Variants in LPA observed in about 807,000 individuals in gnomAD.
The protein encoded by LPA is apolipoprotein(a).
LPA carries 199 observed loss-of-function variants against 197.9 expected under a neutral mutation model. The ratio of observed to expected loss-of-function variants is 1.01; its 90% confidence interval spans 0.90 to 1.13. The LOEUF (loss-of-function observed/expected upper bound fraction) is 1.13. LPA is among the 50% of genes most tolerant of loss of function. The probability of loss-of-function intolerance (pLI) is 0.00; values close to 1 mark genes in which losing one functional copy is unlikely to be tolerated. For synonymous variants in LPA, 715 were observed against 639.5 expected, an observed-to-expected ratio of 1.12 and a Z score of -1.78; for missense variants, 1,853 against 1,785.8, an observed-to-expected ratio of 1.04 and a Z score of -0.68.
chr6:160,565,204 G>A (rs1778429931), intron 28 of LPA, among the ~76,000 whole-genome samples: 1 of 152,204 alleles, frequency 6.6e-6, no homozygotes, highest in Non-Finnish European at 1.5e-5. Context: ...TTTGAGATCT[G>A]AGAATGGACA....
chr6:160,542,588 G>C (rs1180641227), intron 34 of LPA, 100 bp downstream of exon 34: 6 of 1,553,094 alleles, frequency 3.9e-6, no homozygotes, highest in Admixed American at 1.7e-5. Flanking sequence ...AGAGAGGCAG[G>C]TATTGATGCA....
chr6:160,593,376 G>C (rs1307268621), intron 22 of LPA, among the ~76,000 whole-genome samples: 1 of 152,088 alleles, frequency 6.6e-6, no homozygotes, highest in Non-Finnish European at 1.5e-5. Flanking sequence ...CTGGGTTTCT[G>C]TCCATCTTCC....
Position 160,599,474 on chromosome 6 carries a change from G to C in LPA, c.3287+26C>G, listed in dbSNP as rs373033020. On this transcript the variant is annotated intron_variant, in intron 20 of 38. Coordinates refer to ENST00000316300, the MANE Select transcript of LPA (RefSeq NM_005577.4). ...AGAAACTTCCATTGGCCCTTCCTTC[G>C]CTTATGGTAAAGAACAAAGACGTAC... is the stretch of plus-strand genomic sequence containing the variant. 1.4e-5 allele frequency: 23 copies of C among 1,612,224 alleles called. No homozygotes were observed. The African/African-American group carries it at 2.9e-4, about 21-fold the overall frequency.
chr6:160,580,811 C>T (rs1406669839), intron 26 of LPA, among the ~76,000 whole-genome samples: 1 of 152,154 alleles, frequency 6.6e-6, no homozygotes, highest in African/African-American at 2.4e-5. Context: ...GGATACAGGC[C>T]ATTTGTCAGA....
At chr6:160,555,551 A>G (rs1778248713) in intron 30 of LPA, among the ~76,000 whole-genome samples, 2 of 149,502 alleles carry the variant, frequency 1.3e-5, no homozygotes, top group South Asian at 2.1e-4. Flanking sequence ...ATATGAACAT[A>G]TATATGTATA....
At chr6:160,545,893 A>G (rs1208426384) in intron 32 of LPA, among the ~76,000 whole-genome samples, 1 of 152,102 alleles carries the variant, frequency 6.6e-6, no homozygotes, top group Non-Finnish European at 1.5e-5. Context: ...GGGGTCTTCT[A>G]CCTGATAAAG....
intron 28 of LPA, among the ~76,000 whole-genome samples, chr6:160,564,669 C>A (rs1222342463): frequency 2.0e-5 from 3 of 152,200 alleles, no homozygotes; most frequent in Non-Finnish European, 4.4e-5. Flanking sequence ...GGGTGCAGCC[C>A]ACGGAGAGTG....
intron 2 of LPA, among the ~76,000 whole-genome samples, chr6:160,646,798 A>C (rs1779888805): frequency 6.8e-6 from 1 of 147,716 alleles, no homozygotes; most frequent in Admixed American, 6.7e-5. Flanking sequence ...GTATCTGTCT[A>C]GTCTCCGTAT....
intron 10 of LPA, among the ~76,000 whole-genome samples, chr6:160,626,806 T>C (rs1779664678): frequency 9.3e-6 from 1 of 107,100 alleles, no homozygotes; most frequent in Non-Finnish European, 2.0e-5. Context: ...AACGCTTTTC[T>C]ACATGTAGTC....
At chr6:160,588,848 C>A (rs766267145) in intron 24 of LPA, among the ~76,000 whole-genome samples, 6 of 152,182 alleles carry the variant, frequency 3.9e-5, no homozygotes, top group South Asian at 4.1e-4. Context: ...GATTCCCTTT[C>A]TCAGTTCTCT....
In LPA at chr6:160,547,911, A is replaced by T; in HGVS notation, c.5182T>A (p.Tyr1728Asn). 1 of 1,614,046 alleles carries T rather than the reference A, an allele frequency of 6.2e-7. No individual in the cohort carries two copies. Among genetic ancestry groups the T allele is most frequent in the Non-Finnish European group, 8.5e-7 (1 of 1,180,000 alleles). Residue 1728 changes from tyrosine (Y) to asparagine (N), a missense_variant, in exon 32 of 39, where the codon TAC (tyrosine) becomes AAC (asparagine). By Grantham distance (143) the Tyr-to-Asn change is moderately radical. This residue lies in a region of LPA where 1,737 missense variants were observed against 1,504.4 expected (regional missense o/e 1.15). Transcript: ENST00000316300. Reference sequence around the variant, plus strand: ...ACAGTGGTTGCCTTCTTGCCCCGGTATCCTTTCCCATTCCCAAACATACAG... The same window carrying T: ...ACAGTGGTTGCCTTCTTGCCCCGGTTTCCTTTCCCATTCCCAAACATACAG... ...QDCMFGNGKG[Y>N]RGKKATTVTG...
intron 28 of LPA, among the ~76,000 whole-genome samples, chr6:160,576,575 A>G (rs1778683360): frequency 6.9e-6 from 1 of 145,612 alleles, no homozygotes; most frequent in African/African-American, 2.5e-5. Context: ...TTTTTAATGA[A>G]ATATTAAAAA....
intron 1 of LPA, among the ~76,000 whole-genome samples, chr6:160,660,942 C>T (rs750865885): frequency 6.6e-6 from 1 of 152,122 alleles, no homozygotes; most frequent in African/African-American, 2.4e-5. Flanking sequence ...CCAATACTGC[C>T]CACGATTTTT....
chr6:160,536,174 CA>C (rs1228451700), intron 37 of LPA, among the ~76,000 whole-genome samples: 1 of 152,162 alleles, frequency 6.6e-6, no homozygotes, highest in Non-Finnish European at 1.5e-5. Context: ...ACAGCCACAG[CA>C]CCACAGCATC....
chr6:160,648,010 C>T (rs1779932811), intron 2 of LPA, among the ~76,000 whole-genome samples: 1 of 152,148 alleles, frequency 6.6e-6, no homozygotes, highest in Non-Finnish European at 1.5e-5. Flanking sequence ...CCTGCTGATT[C>T]CAAAGTCTTA....
chr6:160,587,773 GT>G, intron 24 of LPA, among the ~76,000 whole-genome samples: 1 of 119,398 alleles, frequency 8.4e-6, no homozygotes, highest in African/African-American at 3.8e-5. Flanking sequence ...GTGTGTGTGT[GT>G]GTGTGTGTGT....
chr6:160,582,142 C>T lies in LPA; in HGVS notation c.4289+2904G>A, dbSNP rs74620584. Among the ~76,000 whole-genome samples the T allele has an allele frequency of 8.5e-3, 1,294 of 152,070 alleles. 17 individuals are homozygous for T. Among genetic ancestry groups the T allele is most frequent in the African/African-American group, 0.03 (1,237 of 41,522 alleles). On this transcript the variant is annotated intron_variant, in intron 26 of 38. Coordinates refer to ENST00000316300, the MANE Select transcript of LPA (RefSeq NM_005577.4). ...CAGTGGAATTGTTTGCTGTGCATAG[C>T]GTTTAAGCTTGCTGGGTTTTTTTCC...
At chr6:160,608,568 GTGCATCA>G (rs1025574643) in intron 16 of LPA, among the ~76,000 whole-genome samples, 1 of 152,208 alleles carries the variant, frequency 6.6e-6, no homozygotes, top group Admixed American at 6.5e-5. Context: ...AAGTACAAAA[GTGCATCA>G]TACCAGATTT....
intron 20 of LPA, among the ~76,000 whole-genome samples, chr6:160,597,813 C>A (rs1477501806): frequency 6.6e-6 from 1 of 152,094 alleles, no homozygotes; most frequent in Non-Finnish European, 1.5e-5. Flanking sequence ...GGTTATGGTT[C>A]ACACTAAATG....
Sources: gnomAD v4.1 joint callset for allele counts (sites outside exome capture counted in the v4.1 genomes callset) on GRCh38, gnomAD v4.1.1 for gene constraint, gnomAD v4.1.1 regional missense constraint, MANE v1.5 for transcripts, NCBI Gene and HGNC (gene_info 2026-07-23, HGNC 2026-07-21) for gene names.